The following ERMP1 variants were observed in gnomAD, a reference collection of about 807,000 sequenced individuals.
ERMP1 encodes Felix-ina.
A neutral mutation model predicts 92.0 loss-of-function variants in ERMP1; 86 were observed. The observed-to-expected ratio is 0.93, with a 90% CI of 0.79 to 1.12. ERMP1 has a LOEUF of 1.12. Ranked by LOEUF, ERMP1 falls within the 50% of genes most tolerant of loss-of-function variation. The pLI is 0.00. For missense variants in ERMP1, 1,342 were observed against 1,116.3 expected (o/e 1.20, Z -2.88); for synonymous variants, 530 against 412.8 (o/e 1.28, Z -3.44).
chr9:5,788,432 G>A (rs1423085631), intron 13 of ERMP1, among the ~76,000 whole-genome samples: 4 of 152,112 alleles, frequency 2.6e-5, no homozygotes, highest in Non-Finnish European at 5.9e-5. Context: ...AGAAGGAAGA[G>A]GAATCCTTTG....
At chr9:5,858,299 A>G (rs1830407260) in intron 6 of ERMP1, among the ~76,000 whole-genome samples, 1 of 152,232 alleles carries the variant, frequency 6.6e-6, no homozygotes, top group Non-Finnish European at 1.5e-5. Context: ...TACTAGTCCC[A>G]GTGCTGAGAA....
chr9:5,812,946 C>T lies in ERMP1; in HGVS notation c.964G>A (p.Gly322Arg). The T allele has an allele frequency of 6.2e-7, 1 of 1,614,036 alleles. No homozygotes were observed. The highest frequency in any genetic ancestry group is 8.5e-7 in the Non-Finnish European group (1 of 1,179,924). Residue 322 changes from glycine to arginine, a missense_variant, in exon 5 of 15, where the codon GGA becomes AGA. Physicochemically the swap from Gly to Arg is moderately radical, Grantham distance 125. Coordinates refer to ENST00000339450, the MANE Select transcript of ERMP1 (RefSeq NM_024896.3). ...SVVAQEVFQS[G>R]IIPSDTDFRI... ...AAGTCAGTATCTGAAGGAATGATTC[C>T]ACTCTGAAAAACCTCCTGAGCCACC...
rs1829089173 is a variant in ERMP1, at chr9:5,811,404, C to A, written c.1115-81G>T. 6 of 1,004,982 alleles carry A rather than the reference C, an allele frequency of 6.0e-6. No individual in the cohort carries two copies. In the Admixed American group the frequency reaches 1.4e-4, roughly 24 times the overall value. The allele number at this position is 1,004,982 out of a possible 1,614,324, so 62.3% of individuals were successfully genotyped here. ...ATAAACTATTTGTGATTTACACATA[C>A]CACTATTTAAAGCAGAAATAAACCA... On this transcript the variant is annotated intron_variant, in intron 6 of 14. Coordinates refer to ENST00000339450, the MANE Select transcript of ERMP1 (RefSeq NM_024896.3).
At chr9:5,825,930 A>T (rs1829717014) in intron 2 of ERMP1, among the ~76,000 whole-genome samples, 1 of 152,230 alleles carries the variant, frequency 6.6e-6, no homozygotes, top group South Asian at 2.1e-4. Context: ...TTTTTAAAGC[A>T]TTGTAAGAGA....
At chr9:5,841,089 C>T (rs1320967079) in intron 6 of ERMP1, among the ~76,000 whole-genome samples, 1 of 152,188 alleles carries the variant, frequency 6.6e-6, no homozygotes, top group Non-Finnish European at 1.5e-5. Context: ...CAGGTATGTA[C>T]CTCTTTATTA....
intron 6 of ERMP1, among the ~76,000 whole-genome samples, chr9:5,855,470 A>G (rs1830362790): frequency 6.6e-6 from 1 of 152,278 alleles, no homozygotes; most frequent in Non-Finnish European, 1.5e-5. Flanking sequence ...GACCACCACC[A>G]TCACTTGTAA....
intron 1 of ERMP1, 59 bp downstream of exon 1, chr9:5,832,631 A>T (rs577410194): frequency 2.3e-6 from 3 of 1,282,200 alleles, no homozygotes; most frequent in Non-Finnish European, 3.0e-6. Context: ...GGTGCCCCGG[A>T]GCCTGCGCAG....
chr9:5,864,060 T>G (rs1042289069), intron 5 of ERMP1, among the ~76,000 whole-genome samples: 6 of 152,230 alleles, frequency 3.9e-5, no homozygotes, highest in Admixed American at 1.3e-4. Flanking sequence ...TAAAAAAGCT[T>G]ATGATAGATA....
intron 13 of ERMP1, 94 bp from the exon 14 acceptor site, chr9:5,787,687 C>T: frequency 1.6e-6 from 2 of 1,255,260 alleles, no homozygotes; most frequent in Non-Finnish European, 2.2e-6. Context: ...AGGTTCATGC[C>T]TGCATGACTT....
chr9:5,854,447 G>C (rs1830347193), intron 6 of ERMP1, among the ~76,000 whole-genome samples: 1 of 152,124 alleles, frequency 6.6e-6, no homozygotes, highest in Non-Finnish European at 1.5e-5. Flanking sequence ...AACACTGTCA[G>C]CATCAAGAGG....
chr9:5,787,111 C>T lies in ERMP1; in HGVS notation c.*33G>A. On this transcript the variant is annotated 3_prime_UTR_variant, in exon 15 of 15. Coordinates refer to ENST00000339450, the MANE Select transcript of ERMP1 (RefSeq NM_024896.3). ...GAGAAACCATGTCACATGGAGTATC[C>T]ACTGGGCATGTACTTAGAGCTCATC... 2 of 1,584,738 alleles carry T rather than the reference C, an allele frequency of 1.3e-6. No homozygotes were observed. The highest frequency in any genetic ancestry group is 2.2e-5 in the East Asian group (1 of 44,658).
At chr9:5,861,846 G>C (rs1340495185) in intron 5 of ERMP1, among the ~76,000 whole-genome samples, 1 of 148,302 alleles carries the variant, frequency 6.7e-6, no homozygotes, top group African/African-American at 2.5e-5. Flanking sequence ...GGCCACCCTG[G>C]GGAGATGGCT....
In ERMP1 at chr9:5,811,155, A is replaced by C. The variant is rs192189369; in HGVS notation, c.1283T>G (p.Val428Gly). 1.5e-4 allele frequency: 235 copies of C among 1,614,056 alleles called. No individual in the cohort carries two copies. The East Asian group carries it at 4.6e-3, about 32-fold the overall frequency. Residue 428 changes from valine (V) to glycine (G), a missense_variant, in exon 7 of 15, where the codon GTT becomes GGT. Transcript: ENST00000339450. The part of the protein sequence containing the change: ...SIINYMVVMG[V>G]VLYLGKKFLQ... ...AAATTTTTTGCCCAGGTACAAAACAACACCCATTACCACCATGTAGTTTAT... is the reference window on the plus strand; with the variant it reads ...AAATTTTTTGCCCAGGTACAAAACACCACCCATTACCACCATGTAGTTTAT...
chr9:5,824,486 T>G (rs1196728103), intron 3 of ERMP1, among the ~76,000 whole-genome samples: 1 of 152,150 alleles, frequency 6.6e-6, no homozygotes, highest in African/African-American at 2.4e-5. Context: ...CACCGCAATC[T>G]CCACGTTCCA....
At chr9:5,840,753 G>C (rs1488058786) in intron 6 of ERMP1, among the ~76,000 whole-genome samples, 1 of 152,198 alleles carries the variant, frequency 6.6e-6, no homozygotes, top group Admixed American at 6.5e-5. Context: ...GTTGTCCTGA[G>C]GCCCTAGATC....
At chr9:5,840,878 T>G (rs964617571) in intron 6 of ERMP1, among the ~76,000 whole-genome samples, 3 of 152,254 alleles carry the variant, frequency 2.0e-5, no homozygotes, top group Non-Finnish European at 2.9e-5. Flanking sequence ...TGCTCTGTAG[T>G]TGGCTAGGTG....
Position 5,833,096 on chromosome 9 carries a change from C to T in ERMP1, c.-69G>A, listed in dbSNP as rs532465300. On this transcript the variant is annotated 5_prime_UTR_variant, in exon 1 of 15. Coordinates refer to ENST00000339450, the MANE Select transcript of ERMP1 (RefSeq NM_024896.3). ...CAGCCCCGGCCGCCGCCGACGCCGCCGTCGCTGCCGCAGCGCCTCCTAGTG... is the reference window on the plus strand; with the variant it reads ...CAGCCCCGGCCGCCGCCGACGCCGCTGTCGCTGCCGCAGCGCCTCCTAGTG... 10 of 1,323,194 alleles carry T rather than the reference C, an allele frequency of 7.6e-6. No homozygotes were observed. Among genetic ancestry groups the T allele is most frequent in the South Asian group, 1.7e-5 (1 of 59,060 alleles). 82.0% of individuals were successfully genotyped at this position (1,323,194 alleles called of 1,614,324 possible).
chr9:5,848,803 T>G (rs984910072), intron 6 of ERMP1, among the ~76,000 whole-genome samples: 3 of 152,148 alleles, frequency 2.0e-5, no homozygotes, highest in Non-Finnish European at 4.4e-5. Context: ...AAATTATTAG[T>G]GAGGCTAGTT....
chr9:5,814,443 A>C lies in ERMP1; in HGVS notation c.875-1408T>G, dbSNP rs1829225397. Among the ~76,000 whole-genome samples, 4 of 152,208 alleles carry C rather than the reference A, an allele frequency of 2.6e-5. No homozygotes were observed. The South Asian group carries it at 8.3e-4, about 32-fold the overall frequency. On this transcript the variant is annotated intron_variant, in intron 4 of 14. Transcript: ENST00000339450. ...ACAGATTATAAAATTGCTTTCCTAC[A>C]TTTTAAAAAATGACCAAGGCTGGGT... is the stretch of plus-strand genomic sequence containing the variant.
Sources: gnomAD v4.1 joint callset for allele counts (sites outside exome capture counted in the v4.1 genomes callset) on GRCh38, gnomAD v4.1.1 for gene constraint, MANE v1.5 for transcripts, NCBI Gene and HGNC (gene_info 2026-07-23, HGNC 2026-07-21) for gene names.